UBE2F: variants seen among roughly 807,000 people sequenced by gnomAD.
UBE2F encodes NEDD8-conjugating enzyme UBE2F.
A neutral mutation model predicts 29.6 loss-of-function variants in UBE2F; 5 were observed. That is an observed-to-expected ratio of 0.17 (90% CI 0.09 to 0.36). The LOEUF (loss-of-function observed/expected upper bound fraction) is 0.36, where lower values mean the gene tolerates loss of function less well. Among genes scored for constraint, UBE2F ranks in the 10% least tolerant of loss-of-function variants. UBE2F has a pLI of 1.00. For missense variants in UBE2F, 141 were observed against 228.5 expected, an observed-to-expected ratio of 0.62 and a Z score of 2.47; for synonymous variants, 66 against 81.8, an observed-to-expected ratio of 0.81 and a Z score of 1.04.
In UBE2F at chr2:237,973,078, T is replaced by A. The variant is rs769068054; in HGVS notation, c.-16-14T>A. 2 of 1,595,024 alleles carry A rather than the reference T, an allele frequency of 1.3e-6. No individual in the cohort carries two copies. Among genetic ancestry groups the A allele is most frequent in the Non-Finnish European group, 1.7e-6 (2 of 1,165,218 alleles). On this transcript the variant is annotated splice_polypyrimidine_tract_variant and intron_variant, in intron 1 of 9. Coordinates refer to ENST00000272930, the MANE Select transcript of UBE2F (RefSeq NM_080678.3). ...GACCTGGTCCTTAACCCTGCTTTCA[T>A]TGCTGTCTTTCAGGGTAAAGGCAGC...
intron 2 of UBE2F, among the ~76,000 whole-genome samples, chr2:237,977,395 C>T (rs546205601): frequency 6.6e-6 from 1 of 152,346 alleles, no homozygotes; most frequent in East Asian, 1.9e-4. Context: ...TTCCACTCAC[C>T]TCAGGGGCTG....
intron 3 of UBE2F, among the ~76,000 whole-genome samples, chr2:237,990,269 G>T (rs552768806): frequency 1.3e-4 from 20 of 150,656 alleles, no homozygotes; most frequent in Admixed American, 6.0e-4. Context: ...GAAGCTGGGG[G>T]ATGGGTTCAT....
intron 9 of UBE2F, among the ~76,000 whole-genome samples, chr2:238,037,942 C>G (rs821509): frequency 0.83 from 127,066 of 152,206 alleles, 53,143 homozygotes; most frequent in East Asian, 0.97. Flanking sequence ...TTCTAGACAT[C>G]GTGCTGAATG....
intron 7 of UBE2F, among the ~76,000 whole-genome samples, chr2:238,031,359 G>T (rs190173130): frequency 6.6e-6 from 1 of 152,300 alleles, no homozygotes; most frequent in Non-Finnish European, 1.5e-5. Flanking sequence ...CAGGGTGGGT[G>T]CTCTGGGGAA....
intron 4 of UBE2F, among the ~76,000 whole-genome samples, chr2:238,012,141 C>T (rs1328413087): frequency 6.6e-6 from 1 of 151,914 alleles, no homozygotes; most frequent in African/African-American, 2.4e-5. Context: ...GCCTTGGCCC[C>T]ACAAAGTGCT....
Position 238,041,972 on chromosome 2 carries a change from T to C in UBE2F, c.*634T>C, listed in dbSNP as rs2064843497. ...TTATTTTTTCTATTCTCATTTAGTT[T>C]GTATTTTCATTGTATAGAGCAGACA... On this transcript the variant is annotated 3_prime_UTR_variant, in exon 10 of 10. Coordinates refer to ENST00000272930, the MANE Select transcript of UBE2F (RefSeq NM_080678.3). 1 of 152,730 alleles carries C rather than the reference T, an allele frequency of 6.5e-6. No individual in the cohort carries two copies. The highest frequency in any genetic ancestry group is 2.4e-5 in the African/African-American group (1 of 41,482). The allele number at this position is 152,730 out of a possible 1,614,324, so 9.5% of individuals were successfully genotyped here. A position where few individuals can be genotyped will look rare whatever the true frequency, so the allele number is the denominator to read the frequency against.
chr2:237,991,609 C>CTTTCTTT lies in UBE2F; in HGVS notation c.149-3132_149-3131insCTTTTTT, dbSNP rs57180067. ...AACCTTTCTTTTCTTTTCTTTCTTT[C>CTTTCTTT]TTTTTTTTTTTTTGAGACAGTCTTG... is the stretch of plus-strand genomic sequence containing the variant. On this transcript the variant is annotated intron_variant, in intron 3 of 9. Transcript: ENST00000272930. 7.5e-5 allele frequency among the ~76,000 whole-genome samples: 4 copies of CTTTCTTT among 53,052 alleles called. 1 individual carries two copies. Among genetic ancestry groups the CTTTCTTT allele is most frequent in the South Asian group, 6.1e-4 (1 of 1,650 alleles). 34.8% of individuals were successfully genotyped at this position (53,052 alleles called of 152,430 possible). A position where few individuals can be genotyped will look rare whatever the true frequency, so the allele number is the denominator to read the frequency against.
intron 5 of UBE2F, among the ~76,000 whole-genome samples, chr2:238,017,819 G>A (rs1366292016): frequency 1.3e-5 from 2 of 152,194 alleles, no homozygotes; most frequent in Non-Finnish European, 2.9e-5. Flanking sequence ...TGTGGGCATT[G>A]GGGACACTGT....
chr2:237,990,894 G>A (rs546421500), intron 3 of UBE2F, among the ~76,000 whole-genome samples: 1 of 152,158 alleles, frequency 6.6e-6, no homozygotes, highest in African/African-American at 2.4e-5. Context: ...GAGATGACAG[G>A]CACGAGCCAC....
intron 8 of UBE2F, chr2:238,035,651 A>G (rs987239914): frequency 6.0e-6 from 3 of 500,798 alleles, no homozygotes; most frequent in African/African-American, 3.8e-5. Context: ...ACATGTCAAC[A>G]TATCTCTGAC....
chr2:238,030,443 G>T, intron 6 of UBE2F, 113 bp from the exon 7 acceptor site: 3 of 705,968 alleles, frequency 4.2e-6, no homozygotes, highest in Non-Finnish European at 5.0e-6. Flanking sequence ...AGGAAAAGAT[G>T]GGTTTAATAA....
At chr2:238,012,410 T>C (rs2064056005) in intron 4 of UBE2F, among the ~76,000 whole-genome samples, 1 of 152,226 alleles carries the variant, frequency 6.6e-6, no homozygotes, top group Admixed American at 6.5e-5. Context: ...GTTACATCTG[T>C]CACTCCTCAC....
intron 2 of UBE2F, among the ~76,000 whole-genome samples, chr2:237,983,783 A>G (rs540098176): frequency 5.3e-5 from 8 of 152,162 alleles, no homozygotes; most frequent in Admixed American, 6.5e-5. Context: ...TCCACTTCCA[A>G]TGGCCTTTCC....
rs896697599 is a variant in UBE2F, at chr2:238,041,511, A to G, written c.*173A>G. 1 of 593,404 alleles carries G rather than the reference A, an allele frequency of 1.7e-6. No individual in the cohort carries two copies. The highest frequency in any genetic ancestry group is 1.9e-5 in the African/African-American group (1 of 53,980). The allele number at this position is 593,404 out of a possible 1,614,324, so 36.8% of individuals were successfully genotyped here. A position where few individuals can be genotyped will look rare whatever the true frequency, so the allele number is the denominator to read the frequency against. ...CCATCTTCATGACTGCTCATTGTAG[A>G]TGGAGAATTCAACATAAATACAGCA... On this transcript the variant is annotated 3_prime_UTR_variant, in exon 10 of 10. Transcript: ENST00000272930.
At position 238,016,800 on chromosome 2, in the gene UBE2F, T is replaced by C. The variant is rs74876127; in HGVS notation, c.282+167T>C. ...ATGAATGTCACTCATCAGCAGTATT[T>C]AGAGTGTTAGTAGAGAATTCCGTTT... is the stretch of plus-strand genomic sequence containing the variant. On this transcript the variant is annotated intron_variant, in intron 5 of 9. Coordinates refer to ENST00000272930, the MANE Select transcript of UBE2F (RefSeq NM_080678.3). 8.7e-5 allele frequency among the ~76,000 whole-genome samples: 10 copies of C among 115,388 alleles called. No homozygotes were observed. In the East Asian group the frequency reaches 2.8e-3, roughly 32 times the overall value. 75.7% of individuals were successfully genotyped at this position (115,388 alleles called of 152,430 possible). A position where few individuals can be genotyped will look rare whatever the true frequency, so the allele number is the denominator to read the frequency against.
In UBE2F at chr2:238,025,395, A is replaced by G. The variant is rs2064401248; in HGVS notation, c.336A>G (p.Thr112=). The change falls in exon 6 of 10, where the codon ACA becomes ACG. Residue 112 remains threonine (T), a synonymous_variant. Transcript: ENST00000272930. ...TKIWHPNITE[T]GEICLSLLRE... ...TCTGGCACCCCAACATCACAGAGAC[A>G]GGGGAAATATGTCTGAGGTGAGTTT... 8 of 1,614,000 alleles carry G rather than the reference A, an allele frequency of 5.0e-6. No homozygotes were observed. The highest frequency in any genetic ancestry group is 2.2e-5 in the East Asian group (1 of 44,880).
chr2:237,990,789 TA>T (rs891905265), intron 3 of UBE2F, among the ~76,000 whole-genome samples: 3 of 151,342 alleles, frequency 2.0e-5, no homozygotes, highest in African/African-American at 7.3e-5. Context: ...AAATTATTAT[TA>T]TTTTTTTGTA....
chr2:237,988,894 G>C (rs954154082), intron 3 of UBE2F, among the ~76,000 whole-genome samples: 11 of 152,162 alleles, frequency 7.2e-5, no homozygotes, highest in African/African-American at 2.7e-4. Flanking sequence ...TTGCTTGATT[G>C]TTTCTGCCCC....
chr2:238,009,537 C>T (rs1455324722), intron 4 of UBE2F, among the ~76,000 whole-genome samples: 7 of 152,164 alleles, frequency 4.6e-5, no homozygotes, highest in African/African-American at 9.7e-5. Flanking sequence ...TAGCTGTTGA[C>T]GTTCCATTTG....
Sources: allele counts gnomAD v4.1 joint callset (sites outside exome capture counted in the v4.1 genomes callset), GRCh38; gene constraint gnomAD v4.1.1; transcripts MANE v1.5; gene names NCBI Gene and HGNC (gene_info 2026-07-23, HGNC 2026-07-21).